STRBP: variants seen among roughly 807,000 people sequenced by gnomAD.
STRBP encodes spermatid perinuclear RNA-binding protein.
In STRBP, 13 loss-of-function variants were observed where a neutral mutation model predicts 80.1. The ratio of observed to expected loss-of-function variants is 0.16; its 90% CI spans 0.11 to 0.26. The LOEUF is 0.26. STRBP is among the 10% of genes least tolerant of loss of function. The pLI, the probability that STRBP is intolerant of heterozygous loss-of-function variation, is 1.00. For synonymous variants in STRBP, 284 were observed against 291.2 expected (o/e 0.98, Z 0.25); for missense variants, 485 against 815.2 (o/e 0.59, Z 4.93).
intron 2 of STRBP, among the ~76,000 whole-genome samples, chr9:123,200,734 A>ATTTTTATTTT (rs2039290663): frequency 8.0e-5 from 3 of 37,512 alleles, no homozygotes; most frequent in Non-Finnish European, 1.3e-4. Flanking sequence ...CACCCCGCTA[A>ATTTTTATTTT]TTTTTTTTTT....
At chr9:123,197,547 T>C (rs1399753167) in intron 2 of STRBP, among the ~76,000 whole-genome samples, 2 of 152,126 alleles carry the variant, frequency 1.3e-5, no homozygotes, top group Non-Finnish European at 2.9e-5. Flanking sequence ...TATCACTCCG[T>C]ATGCCTTTGG....
chr9:123,201,288 T>C (rs546699556), intron 2 of STRBP, among the ~76,000 whole-genome samples: 1 of 152,328 alleles, frequency 6.6e-6, no homozygotes, highest in South Asian at 2.1e-4. Flanking sequence ...CTCCAGTTCC[T>C]TGAGGTGTGA....
rs117966081 is a variant in STRBP, at chr9:123,214,190, G to C, written c.-165+22640C>G. Among the ~76,000 whole-genome samples the C allele has an allele frequency of 2.9e-3, 404 of 140,478 alleles. 4 individuals carry two copies. Among genetic ancestry groups the C allele is most frequent in the East Asian group, 0.019 (88 of 4,752 alleles). 92.2% of individuals were successfully genotyped at this position (140,478 alleles called of 152,430 possible). A position where few individuals can be genotyped will look rare whatever the true frequency, so the allele number is the denominator to read the frequency against. On this transcript the variant is annotated intron_variant, in intron 2 of 18. Coordinates refer to ENST00000348403, the MANE Select transcript of STRBP (RefSeq NM_018387.5). ...CACACACACACACACACACAAAATG[G>C]AACAGTACTCAGCCCCAAAAAGGAA...
chr9:123,222,477 T>C (rs2040098061), intron 2 of STRBP, among the ~76,000 whole-genome samples: 1 of 152,150 alleles, frequency 6.6e-6, no homozygotes, highest in Admixed American at 6.5e-5. Flanking sequence ...TTTAGGCCCT[T>C]TCAGTCAATA....
At chr9:123,256,737 C>T (rs566010543) in intron 1 of STRBP, among the ~76,000 whole-genome samples, 3 of 152,254 alleles carry the variant, frequency 2.0e-5, no homozygotes, top group East Asian at 3.9e-4. Context: ...CACACTCACA[C>T]ACACACCCTC....
At chr9:123,250,813 T>C (rs187072419) in intron 1 of STRBP, among the ~76,000 whole-genome samples, 1 of 152,310 alleles carries the variant, frequency 6.6e-6, no homozygotes, top group Admixed American at 6.5e-5. Flanking sequence ...CTTAGCTATA[T>C]GATCTGTTTT....
At chr9:123,142,277 A>G (rs1235927677) in intron 13 of STRBP, among the ~76,000 whole-genome samples, 1 of 152,130 alleles carries the variant, frequency 6.6e-6, no homozygotes, top group Non-Finnish European at 1.5e-5. Context: ...CTGGTTGTTT[A>G]AAAGTATGTG....
At chr9:123,237,864 A>G (rs2040602588) in intron 1 of STRBP, among the ~76,000 whole-genome samples, 1 of 152,212 alleles carries the variant, frequency 6.6e-6, no homozygotes. Context: ...AAAGTTCTCA[A>G]TAGGACAGTT....
intron 2 of STRBP, among the ~76,000 whole-genome samples, chr9:123,194,092 G>A (rs1202854327): frequency 3.3e-5 from 5 of 152,200 alleles, no homozygotes; most frequent in Non-Finnish European, 5.9e-5. Flanking sequence ...CACCTAAAAT[G>A]CAAGTAGGAG....
intron 1 of STRBP, among the ~76,000 whole-genome samples, chr9:123,265,540 C>G (rs547571461): frequency 6.6e-6 from 1 of 152,252 alleles, no homozygotes; most frequent in South Asian, 2.1e-4. Flanking sequence ...AAAGGGAAAT[C>G]GTTTTCCAAG....
chr9:123,125,866 A>G (rs1041717076), intron 18 of STRBP, among the ~76,000 whole-genome samples, 193 bp from the exon 19 acceptor site: 1 of 152,266 alleles, frequency 6.6e-6, no homozygotes, highest in East Asian at 1.9e-4. Flanking sequence ...ATTTTGATAA[A>G]TAATATTTTC....
chr9:123,188,595 T>A (rs1286808201), intron 2 of STRBP, among the ~76,000 whole-genome samples: 2 of 152,078 alleles, frequency 1.3e-5, no homozygotes, highest in Non-Finnish European at 2.9e-5. Flanking sequence ...TGAGCTGAGA[T>A]CATGCAACTG....
rs182055244 is a variant in STRBP, at chr9:123,230,855, G to C, written c.-165+5975C>G. Among the ~76,000 whole-genome samples, 32 of 152,284 alleles carry C rather than the reference G, an allele frequency of 2.1e-4. No individual in the cohort carries two copies. The East Asian group carries it at 3.1e-3, about 15-fold the overall frequency. ...ATGTGCATCATTATTTTAATGAAAAGCGTACACACTTTTTTAAATTTCTGG... is the reference window on the plus strand; with the variant it reads ...ATGTGCATCATTATTTTAATGAAAACCGTACACACTTTTTTAAATTTCTGG... On this transcript the variant is annotated intron_variant, in intron 2 of 18. Coordinates refer to ENST00000348403, the MANE Select transcript of STRBP (RefSeq NM_018387.5).
intron 2 of STRBP, among the ~76,000 whole-genome samples, chr9:123,207,332 T>C (rs1483826483): frequency 1.3e-5 from 2 of 152,208 alleles, no homozygotes. Context: ...GCACAGTTTA[T>C]GAATGACAGT....
intron 2 of STRBP, among the ~76,000 whole-genome samples, chr9:123,195,443 A>G (rs2039058972): frequency 6.6e-6 from 1 of 152,232 alleles, no homozygotes; most frequent in Non-Finnish European, 1.5e-5. Flanking sequence ...CATATTTGCA[A>G]AAACCTGAAA....
At chr9:123,207,173 C>T (rs2039548060) in intron 2 of STRBP, among the ~76,000 whole-genome samples, 1 of 152,098 alleles carries the variant, frequency 6.6e-6, no homozygotes, top group Non-Finnish European at 1.5e-5. Context: ...GCAATGATAC[C>T]ACTTCTATTT....
intron 2 of STRBP, among the ~76,000 whole-genome samples, chr9:123,212,424 T>C (rs1173251389): frequency 6.6e-6 from 1 of 152,136 alleles, no homozygotes; most frequent in African/African-American, 2.4e-5. Flanking sequence ...CTAAAATTCG[T>C]ATATTTATTA....
chr9:123,162,012 T>C (rs1429807449), intron 6 of STRBP, among the ~76,000 whole-genome samples: 2 of 152,228 alleles, frequency 1.3e-5, no homozygotes, highest in African/African-American at 4.8e-5. Context: ...GGATTTACCA[T>C]TCTTTTTAAG....
chr9:123,133,796 C>G (rs1469713307), intron 16 of STRBP, among the ~76,000 whole-genome samples: 1 of 152,090 alleles, frequency 6.6e-6, no homozygotes, highest in African/African-American at 2.4e-5. Context: ...ACCTCAGCTT[C>G]CTTTCAAAGT....
Sources: allele counts gnomAD v4.1 joint callset (sites outside exome capture counted in the v4.1 genomes callset), GRCh38; gene constraint gnomAD v4.1.1; transcripts MANE v1.5; gene names NCBI Gene and HGNC (gene_info 2026-07-23, HGNC 2026-07-21).